The following UNKL variants were observed in gnomAD, a reference collection of about 807,000 sequenced individuals.
UNKL encodes the protein putative E3 ubiquitin-protein ligase UNKL.
UNKL carries 60 observed loss-of-function variants against 78.0 expected under a neutral mutation model. The ratio of observed to expected loss-of-function variants is 0.77; its 90% CI spans 0.63 to 0.95. The LOEUF is 0.95. Among genes scored for constraint, UNKL ranks in the 40% least tolerant of loss-of-function variants. The pLI is 0.00. For missense variants in UNKL, 1,159 were observed against 1,045.7 expected (o/e 1.11, Z -1.49); for synonymous variants, 608 against 474.8 (o/e 1.28, Z -3.65).
At position 1,399,899 on chromosome 16, in the gene UNKL, G is replaced by C. The variant is rs1329973472; in HGVS notation, c.599-390C>G. On this transcript the variant is annotated intron_variant, in intron 4 of 14. Transcript: ENST00000389221. This position sits in a 1 kb window ranked among gnomAD's most constrained non-coding sequence, Gnocchi z 5.8. ...TTTTGAGAATATGCTAAAATCCAGA[G>C]ACATGCACACCCCGAAATGCCGCAT... Among the ~76,000 whole-genome samples the C allele has an allele frequency of 2.0e-5, 3 of 152,090 alleles. No homozygotes were observed. The highest frequency in any genetic ancestry group is 7.2e-5 in the African/African-American group (3 of 41,398).
intron 10 of UNKL, among the ~76,000 whole-genome samples, chr16:1,380,183 G>T (rs1377703229): frequency 6.6e-6 from 1 of 152,238 alleles, no homozygotes; most frequent in Non-Finnish European, 1.5e-5. Flanking sequence ...GGTCTGAAAT[G>T]ATCCCACTAA....
chr16:1,394,323 G>A lies in UNKL; in HGVS notation c.853-108C>T, dbSNP rs2037170265. The A allele has an allele frequency of 9.7e-6, 13 of 1,339,942 alleles. No homozygotes were observed. In the South Asian group the frequency reaches 1.4e-4, roughly 14 times the overall value. The allele number at this position is 1,339,942 out of a possible 1,614,324, so 83.0% of individuals were successfully genotyped here. On this transcript the variant is annotated intron_variant, in intron 6 of 14. Coordinates refer to ENST00000389221, the MANE Select transcript of UNKL (RefSeq NM_001372107.1). ...AGGATTAAGCTCCAAATCGTAACAA[G>A]ACACCCCTGAAAAGGGGGGCGTGGG... is the stretch of plus-strand genomic sequence containing the variant.
At chr16:1,413,356 G>A (rs988952174) in intron 2 of UNKL, among the ~76,000 whole-genome samples, 14 of 151,448 alleles carry the variant, frequency 9.2e-5, no homozygotes, top group East Asian at 1.9e-4. Context: ...ATCACCTGAG[G>A]TTGGGAGTTC....
intron 10 of UNKL, among the ~76,000 whole-genome samples, chr16:1,376,973 C>T (rs1358066617): frequency 6.6e-6 from 1 of 152,078 alleles, no homozygotes; most frequent in Non-Finnish European, 1.5e-5. Flanking sequence ...CCCTGCAACG[C>T]CACGTACCTA....
intron 11 of UNKL, among the ~76,000 whole-genome samples, chr16:1,371,082 CAA>C (rs764163064): frequency 0.026 from 1,742 of 67,926 alleles, 25 homozygotes; most frequent in African/African-American, 0.072. Flanking sequence ...GGCTCTGTCT[CAA>C]AAAAAAAAAA....
chr16:1,379,274 G>T, intron 10 of UNKL: 1 of 174,874 alleles, frequency 5.7e-6, no homozygotes, highest in Non-Finnish European at 1.1e-5. Flanking sequence ...CGCAGGGGTC[G>T]GCCCTCCCCC....
At chr16:1,368,372 G>A (rs1216656086) in intron 12 of UNKL, among the ~76,000 whole-genome samples, 1 of 152,108 alleles carries the variant, frequency 6.6e-6, no homozygotes, top group Non-Finnish European at 1.5e-5. Flanking sequence ...GGAGGCCGAG[G>A]CGGGTGGATC....
chr16:1,407,115 C>T (rs948305181), intron 2 of UNKL, among the ~76,000 whole-genome samples: 3 of 150,466 alleles, frequency 2.0e-5, no homozygotes, highest in African/African-American at 7.4e-5. Context: ...TGTCACTGCA[C>T]TCCAGCCTGG....
chr16:1,403,490 C>T lies in UNKL; in HGVS notation c.288-146G>A, dbSNP rs1488271777. ...TTCCTGTTCTAATCAGAAGGACGGACACACTGGACGCAGCACCTGTCCCCA... is the reference window on the plus strand; with the variant it reads ...TTCCTGTTCTAATCAGAAGGACGGATACACTGGACGCAGCACCTGTCCCCA... On this transcript the variant is annotated intron_variant, in intron 2 of 14. Coordinates refer to ENST00000389221, the MANE Select transcript of UNKL (RefSeq NM_001372107.1). This position sits in a 1 kb window ranked among gnomAD's most constrained non-coding sequence, Gnocchi z 4.8. 7.6e-6 allele frequency: 8 copies of T among 1,053,220 alleles called. No individual in the cohort carries two copies. Among genetic ancestry groups the T allele is most frequent in the Non-Finnish European group, 1.1e-5 (8 of 744,706 alleles). The allele number at this position is 1,053,220 out of a possible 1,614,324, so 65.2% of individuals were successfully genotyped here.
intron 2 of UNKL, chr16:1,407,426 G>C (rs1171211195): frequency 1.3e-5 from 2 of 152,000 alleles, no homozygotes; most frequent in African/African-American, 2.4e-5. Flanking sequence ...AAAGAAGACA[G>C]AGGCCGGGCG....
intron 11 of UNKL, 65 bp from the exon 12 acceptor site, chr16:1,370,422 G>A: frequency 6.6e-7 from 1 of 1,515,148 alleles, no homozygotes; most frequent in Non-Finnish European, 8.8e-7. Flanking sequence ...ATCTGCCATG[G>A]GCGGCAGCCG....
chr16:1,400,863 A>G (rs925326934), intron 4 of UNKL, among the ~76,000 whole-genome samples: 1 of 151,928 alleles, frequency 6.6e-6, no homozygotes, highest in Non-Finnish European at 1.5e-5. Flanking sequence ...AATTTTTTGT[A>G]TTTTTAGCAG....
rs1476625369 is a variant in UNKL at position 1,391,192 on chromosome 16, CACAA to C, written c.1024-502_1024-499del. On this transcript the variant is annotated intron_variant, in intron 8 of 14. Transcript: ENST00000389221. ...ACACACACACACACACACACACACA[CACAA>C]TATATATGTACCTATTCAGCAGTAC... is the stretch of plus-strand genomic sequence containing the variant. Among the ~76,000 whole-genome samples the C allele has an allele frequency of 1.3e-4, 14 of 110,654 alleles. No homozygotes were observed. In the East Asian group the frequency reaches 2.9e-3, roughly 23 times the overall value. The allele number at this position is 110,654 out of a possible 152,430, so 72.6% of individuals were successfully genotyped here. A position where few individuals can be genotyped will look rare whatever the true frequency, so the allele number is the denominator to read the frequency against.
Position 1,403,956 on chromosome 16 carries a change from C to A in UNKL, c.288-612G>T, listed in dbSNP as rs2037640336. Reference sequence around the variant, plus strand: ...GGCCACCTGCAGGCCCAGAGCCATGCTCCTGGGGAGTCACAGGCAGCTCCT... The same window carrying A: ...GGCCACCTGCAGGCCCAGAGCCATGATCCTGGGGAGTCACAGGCAGCTCCT... On this transcript the variant is annotated intron_variant, in intron 2 of 14. Transcript: ENST00000389221. This position sits in a 1 kb window ranked among gnomAD's most constrained non-coding sequence, Gnocchi z 4.8. Among the ~76,000 whole-genome samples, 1 of 152,146 alleles carries A rather than the reference C, an allele frequency of 6.6e-6. No individual in the cohort carries two copies.
chr16:1,409,850 G>A (rs1181949877), intron 2 of UNKL, among the ~76,000 whole-genome samples: 4 of 152,110 alleles, frequency 2.6e-5, no homozygotes, highest in African/African-American at 9.7e-5. Context: ...GGAGGCCAAG[G>A]CTAGCGGATC....
At position 1,367,809 on chromosome 16, in the gene UNKL, G is replaced by A. The variant is rs1347640899; in HGVS notation, c.1635C>T (p.Phe545=). 2 of 1,575,436 alleles carry A rather than the reference G, an allele frequency of 1.3e-6. No individual in the cohort carries two copies. The highest frequency in any genetic ancestry group is 2.3e-5 in the East Asian group (1 of 42,870). ...GSIWDFVSGS[F]SPSPSPILSA... is the part of the protein sequence containing the mutation. ...TCAGGATGGGGGAGGGGCTGGGGGAGAAGCTGCCGGAAACAAAGTCCCAGA... is the reference window on the plus strand; with the variant it reads ...TCAGGATGGGGGAGGGGCTGGGGGAAAAGCTGCCGGAAACAAAGTCCCAGA... The change falls in exon 13 of 15, where the codon TTC becomes TTT. Residue 545 remains phenylalanine (F), a synonymous_variant. Coordinates refer to ENST00000389221, the MANE Select transcript of UNKL (RefSeq NM_001372107.1).
intron 10 of UNKL, among the ~76,000 whole-genome samples, chr16:1,380,965 G>A (rs1156285473): frequency 6.6e-6 from 1 of 152,122 alleles, no homozygotes; most frequent in Admixed American, 6.6e-5. Context: ...GTGAGCCACT[G>A]CTCACGGCTC....
Position 1,371,503 on chromosome 16 carries a change from T to C in UNKL, c.1357+16A>G, listed in dbSNP as rs2035837781. On this transcript the variant is annotated intron_variant, in intron 11 of 14. Transcript: ENST00000389221. ...GCGGCTGGAGGAGCAGGGCCCCAGG[T>C]CCTCCCCACCCTCACCTGCTGCTCC... 1.3e-6 allele frequency: 2 copies of C among 1,535,642 alleles called. No individual in the cohort carries two copies. Among genetic ancestry groups the C allele is most frequent in the Non-Finnish European group, 8.7e-7 (1 of 1,146,608 alleles).
intron 8 of UNKL, among the ~76,000 whole-genome samples, chr16:1,390,902 T>C (rs1425741742): frequency 2.0e-5 from 3 of 152,088 alleles, no homozygotes; most frequent in Non-Finnish European, 4.4e-5. Context: ...TGGTGGCACA[T>C]GCCTGTAGTT....
Sources: allele counts gnomAD v4.1 joint callset (sites outside exome capture counted in the v4.1 genomes callset), GRCh38; gene constraint gnomAD v4.1.1; non-coding constraint Gnocchi (gnomAD v3.1); transcripts MANE v1.5; gene names NCBI Gene and HGNC (gene_info 2026-07-23, HGNC 2026-07-21).